EPB41L3: variants seen among roughly 807,000 people sequenced by gnomAD.
The protein encoded by EPB41L3 is erythrocyte membrane protein band 4.1 like 3, also known as band 4.1-like protein 3.
A neutral mutation model predicts 127.1 loss-of-function variants in EPB41L3; 57 were observed. That is an observed-to-expected ratio of 0.45 (90% CI 0.36 to 0.56). The LOEUF (loss-of-function observed/expected upper bound fraction) is 0.56, where lower values mean the gene tolerates loss of function less well. Ranked by LOEUF, EPB41L3 falls within the 20% of genes least tolerant of loss-of-function variation. The probability of loss-of-function intolerance (pLI) is 0.00; values close to 1 mark genes in which losing one functional copy is unlikely to be tolerated. For synonymous variants in EPB41L3, 572 were observed against 549.5 expected (o/e 1.04, Z -0.57); for missense variants, 1,273 against 1,372.2 (o/e 0.93, Z 1.14).
intron 3 of EPB41L3, among the ~76,000 whole-genome samples, chr18:5,451,894 A>G (rs990391723): frequency 6.6e-6 from 1 of 152,088 alleles, no homozygotes; most frequent in African/African-American, 2.4e-5. Flanking sequence ...GCTGGAGTCC[A>G]GTGGCGTGAT....
intron 3 of EPB41L3, among the ~76,000 whole-genome samples, chr18:5,449,112 A>C (rs2081934368): frequency 6.6e-6 from 1 of 152,230 alleles, no homozygotes; most frequent in Non-Finnish European, 1.5e-5. Context: ...ACTGGTACCC[A>C]AGATATACAA....
rs576211794 is a variant in EPB41L3 at position 5,467,287 on chromosome 18, T to G, written c.381+10954A>C. 245 of 152,374 alleles carry G rather than the reference T, an allele frequency of 1.6e-3. 1 individual carries two copies. Among genetic ancestry groups the G allele is most frequent in the African/African-American group, 5.7e-3 (236 of 41,584 alleles). 9.4% of individuals were successfully genotyped at this position (152,374 alleles called of 1,614,324 possible). A position where few individuals can be genotyped will look rare whatever the true frequency, so the allele number is the denominator to read the frequency against. ...TTTATTCTTTACATAGTAGCTTATT[T>G]CATGGGACAGTATAATCATGAGAGT... On this transcript the variant is annotated intron_variant, in intron 3 of 22. Coordinates refer to ENST00000341928, the MANE Select transcript of EPB41L3 (RefSeq NM_012307.5).
chr18:5,607,061 C>T (rs1343915233), intron 3 of EPB41L3, among the ~76,000 whole-genome samples: 3 of 152,070 alleles, frequency 2.0e-5, no homozygotes, highest in Non-Finnish European at 4.4e-5. Flanking sequence ...AACTGTAGTA[C>T]CAGATTTATT....
chr18:5,581,721 G>T (rs946181113), intron 3 of EPB41L3, among the ~76,000 whole-genome samples: 2 of 152,168 alleles, frequency 1.3e-5, no homozygotes, highest in East Asian at 3.8e-4. Context: ...TTAAGGCCAG[G>T]CATGGTGGCT....
intron 18 of EPB41L3, 26 bp from the exon 19 acceptor site, chr18:5,396,358 T>C: frequency 6.2e-7 from 1 of 1,613,858 alleles, no homozygotes; most frequent in Non-Finnish European, 8.5e-7. Context: ...GTAAGCAGAG[T>C]GGCTGTTATA....
intron 1 of EPB41L3, among the ~76,000 whole-genome samples, chr18:5,616,411 T>A (rs2094795862): frequency 1.3e-5 from 2 of 152,174 alleles, no homozygotes. Flanking sequence ...ACTAAAAAAA[T>A]GCACCTAAAG....
At chr18:5,576,169 T>C (rs2094334998) in intron 3 of EPB41L3, among the ~76,000 whole-genome samples, 1 of 152,202 alleles carries the variant, frequency 6.6e-6, no homozygotes, top group Non-Finnish European at 1.5e-5. Flanking sequence ...TTTCTAGAAT[T>C]ATCGAAAAAT....
chr18:5,441,566 C>T lies in EPB41L3; in HGVS notation c.529+2272G>A, dbSNP rs187773083. ...CTGCAAGCTCCGCCTCCCGGGTTCA[C>T]GCCATTCTCCTGCCTCAGCCTCCCG... On this transcript the variant is annotated intron_variant, in intron 5 of 22. Transcript: ENST00000341928. 8.1e-3 allele frequency among the ~76,000 whole-genome samples: 1,213 copies of T among 149,154 alleles called. 7 individuals are homozygous for T. The highest frequency in any genetic ancestry group is 0.027 in the African/African-American group (1,099 of 40,546).
intron 9 of EPB41L3, among the ~76,000 whole-genome samples, chr18:5,425,655 A>G (rs950615012): frequency 7.9e-5 from 12 of 152,100 alleles, no homozygotes; most frequent in African/African-American, 2.9e-4. Flanking sequence ...AATTTCTTTC[A>G]ACTTCTTCAG....
intron 13 of EPB41L3, among the ~76,000 whole-genome samples, chr18:5,413,475 C>T (rs2076434108): frequency 6.6e-6 from 1 of 152,122 alleles, no homozygotes; most frequent in Non-Finnish European, 1.5e-5. Flanking sequence ...AATGATGATA[C>T]AATATTTAAA....
chr18:5,467,703 T>A (rs1230661667), intron 3 of EPB41L3: 1 of 152,162 alleles, frequency 6.6e-6, no homozygotes, highest in Non-Finnish European at 1.5e-5. Context: ...ATACAGGAGG[T>A]AATCAGAAAC....
chr18:5,487,675 G>A (rs1402306560), intron 2 of EPB41L3, among the ~76,000 whole-genome samples: 3 of 150,900 alleles, frequency 2.0e-5, no homozygotes, highest in East Asian at 1.9e-4. Flanking sequence ...TATTGGGCCC[G>A]GCTGTCTCAA....
chr18:5,551,144 C>T (rs1479160241), intron 3 of EPB41L3, among the ~76,000 whole-genome samples: 1 of 152,080 alleles, frequency 6.6e-6, no homozygotes, highest in African/African-American at 2.4e-5. Context: ...TGGAATTTTT[C>T]CTGGGTGTCT....
rs186064989 is a variant in EPB41L3 at position 5,561,033 on chromosome 18, A to T, written c.-306+51307T>A. Among the ~76,000 whole-genome samples the T allele has an allele frequency of 3.2e-3, 437 of 136,924 alleles. 22 individuals carry two copies. Among genetic ancestry groups the T allele is most frequent in the African/African-American group, 0.012 (414 of 35,998 alleles). 89.8% of individuals were successfully genotyped at this position (136,924 alleles called of 152,430 possible). Reference sequence around the variant, plus strand: ...CGCTCTGTCGCCCAGGCTGGAGTGCAGTGGCGCGATCGCGGCTCACTGCAA... The same window carrying T: ...CGCTCTGTCGCCCAGGCTGGAGTGCTGTGGCGCGATCGCGGCTCACTGCAA... On this transcript the variant is annotated intron_variant, in intron 3 of 21. Coordinates refer to the EPB41L3 transcript ENST00000545076.
chr18:5,418,512 T>C (rs73375732), intron 12 of EPB41L3, among the ~76,000 whole-genome samples: 1 of 152,324 alleles, frequency 6.6e-6, no homozygotes, highest in South Asian at 2.1e-4. Flanking sequence ...GGGTGGATTA[T>C]ATTCTTTTCT....
chr18:5,537,356 A>C (rs1289953300), intron 1 of EPB41L3, among the ~76,000 whole-genome samples: 1 of 152,224 alleles, frequency 6.6e-6, no homozygotes, highest in African/African-American at 2.4e-5. Flanking sequence ...ACAATCCAAA[A>C]GTAGTATTTA....
chr18:5,548,017 C>T (rs1209481548), upstream of EPB41L3, among the ~76,000 whole-genome samples: 2 of 152,218 alleles, frequency 1.3e-5, no homozygotes, highest in Non-Finnish European at 2.9e-5. Flanking sequence ...GACATTCACA[C>T]TCATTTGGCC....
chr18:5,532,362 G>C (rs960289304), intron 1 of EPB41L3, among the ~76,000 whole-genome samples: 9 of 152,154 alleles, frequency 5.9e-5, no homozygotes, highest in African/African-American at 2.2e-4. Flanking sequence ...CAAGCATTCC[G>C]TAAGTATTTG....
At chr18:5,484,189 G>T (rs1224509418) in intron 2 of EPB41L3, among the ~76,000 whole-genome samples, 1 of 140,236 alleles carries the variant, frequency 7.1e-6, no homozygotes, top group Non-Finnish European at 1.5e-5. Flanking sequence ...ATCAGTAAGA[G>T]GAACCTCAGA....
Sources: gnomAD v4.1 joint callset for allele counts (sites outside exome capture counted in the v4.1 genomes callset) on GRCh38, gnomAD v4.1.1 for gene constraint, MANE v1.5 for transcripts, NCBI Gene and HGNC (gene_info 2026-07-23, HGNC 2026-07-21) for gene names.